The following MACROD2 variants were observed in gnomAD, a reference collection of about 807,000 sequenced individuals.
MACROD2 encodes ADP-ribose glycohydrolase MACROD2.
MACROD2 carries 36 observed loss-of-function variants against 70.4 expected under a neutral mutation model. The ratio of observed to expected loss-of-function variants is 0.51; its 90% CI spans 0.39 to 0.68. The LOEUF is 0.68. MACROD2 is among the 30% of genes least tolerant of loss of function. The pLI is 0.00. For missense variants in MACROD2, 496 were observed against 538.4 expected (o/e 0.92, Z 0.78); for synonymous variants, 172 against 178.8 (o/e 0.96, Z 0.30).
chr20:14,432,334 C>G (rs552477075), intron 3 of MACROD2, among the ~76,000 whole-genome samples: 1 of 151,968 alleles, frequency 6.6e-6, no homozygotes, highest in East Asian at 1.9e-4. Flanking sequence ...TATATTACTA[C>G]CTGGTCTGTT....
Position 15,701,035 on chromosome 20 carries a change from G to T in MACROD2, c.646-161710G>T, listed in dbSNP as rs111710562. Among the ~76,000 whole-genome samples the T allele has an allele frequency of 2.3e-3, 350 of 152,262 alleles. 3 individuals are homozygous for T. Among genetic ancestry groups the T allele is most frequent in the African/African-American group, 7.7e-3 (318 of 41,540 alleles). On this transcript the variant is annotated intron_variant, in intron 8 of 17. Transcript: ENST00000684519. ...ATGCTCATGTTGGTTCAGCTGATCT[G>T]GGAACCAAATTTTGAGAACTGCTGA...
intron 6 of MACROD2, among the ~76,000 whole-genome samples, chr20:15,345,463 C>T (rs1381575167): frequency 6.6e-6 from 1 of 152,172 alleles, no homozygotes; most frequent in Non-Finnish European, 1.5e-5. Context: ...ATTGGGCACA[C>T]TCCTGTTAGT....
At chr20:15,051,828 T>G (rs1652181582) in intron 5 of MACROD2, among the ~76,000 whole-genome samples, 1 of 151,026 alleles carries the variant, frequency 6.6e-6, no homozygotes, top group South Asian at 2.1e-4. Flanking sequence ...CTCAGCTCAC[T>G]GCAACTTCCA....
chr20:15,303,943 C>A (rs1245824665), intron 6 of MACROD2, among the ~76,000 whole-genome samples: 1 of 152,166 alleles, frequency 6.6e-6, no homozygotes, highest in South Asian at 2.1e-4. Context: ...TAGAATGAAT[C>A]AAGTATTCTA....
chr20:15,513,210 A>C (rs1383912141), intron 8 of MACROD2, among the ~76,000 whole-genome samples: 1 of 152,248 alleles, frequency 6.6e-6, no homozygotes. Flanking sequence ...AGAGGCAGGA[A>C]ATGGCCATTT....
chr20:15,209,107 TGG>T (rs2076737738), intron 5 of MACROD2, among the ~76,000 whole-genome samples: 1 of 142,860 alleles, frequency 7.0e-6, no homozygotes, highest in Non-Finnish European at 1.5e-5. Flanking sequence ...GTGGTGGTGG[TGG>T]TGGTGGTATT....
At chr20:14,293,340 T>A (rs2082401273) in intron 3 of MACROD2, among the ~76,000 whole-genome samples, 2 of 151,718 alleles carry the variant, frequency 1.3e-5, no homozygotes, top group Non-Finnish European at 2.9e-5. Flanking sequence ...TAAAGATAAG[T>A]GCTTTGAAGA....
chr20:15,319,957 C>G (rs978414353), intron 6 of MACROD2, among the ~76,000 whole-genome samples: 1 of 152,052 alleles, frequency 6.6e-6, no homozygotes, highest in Non-Finnish European at 1.5e-5. Flanking sequence ...GGCTGTAATC[C>G]CAGCACTTTG....
intron 8 of MACROD2, among the ~76,000 whole-genome samples, chr20:15,512,226 T>G (rs2047509299): frequency 6.6e-6 from 1 of 152,252 alleles, no homozygotes; most frequent in African/African-American, 2.4e-5. Flanking sequence ...TAAGTGAGTT[T>G]GATGAAGTTT....
chr20:15,592,063 G>A (rs1011502861), intron 8 of MACROD2, among the ~76,000 whole-genome samples: 45 of 152,270 alleles, frequency 3.0e-4, no homozygotes, highest in African/African-American at 7.7e-4. Context: ...GACCTCTCAC[G>A]TCTGACTTCT....
intron 5 of MACROD2, among the ~76,000 whole-genome samples, chr20:15,089,652 C>T (rs2075778413): frequency 6.6e-6 from 1 of 152,134 alleles, no homozygotes; most frequent in South Asian, 2.1e-4. Flanking sequence ...TTGGTGTCAA[C>T]TCCTTTACGC....
At chr20:15,628,713 G>A (rs529871534) in intron 8 of MACROD2, among the ~76,000 whole-genome samples, 1 of 152,210 alleles carries the variant, frequency 6.6e-6, no homozygotes, top group South Asian at 2.1e-4. Flanking sequence ...GAGCAAGATA[G>A]CTTCATTCCC....
At chr20:14,965,424 C>A (rs116440875) in intron 5 of MACROD2, among the ~76,000 whole-genome samples, 3 of 148,386 alleles carry the variant, frequency 2.0e-5, no homozygotes, top group African/African-American at 7.5e-5. Context: ...TGTTTCCAAC[C>A]TAGGGACGGC....
intron 8 of MACROD2, among the ~76,000 whole-genome samples, chr20:15,754,591 A>T (rs1167433775): frequency 1.3e-5 from 2 of 151,498 alleles, no homozygotes. Context: ...GAGCCACTGC[A>T]CTCAAGCCTG....
chr20:14,226,913 G>A (rs2081742309), intron 3 of MACROD2, among the ~76,000 whole-genome samples: 1 of 152,244 alleles, frequency 6.6e-6, no homozygotes, highest in South Asian at 2.1e-4. Context: ...GGGACTGGCA[G>A]GCATCTCCAC....
At chr20:15,725,067 G>A (rs1407869656) in intron 8 of MACROD2, among the ~76,000 whole-genome samples, 1 of 152,154 alleles carries the variant, frequency 6.6e-6, no homozygotes, top group Non-Finnish European at 1.5e-5. Flanking sequence ...GGGCGACAGA[G>A]TGAGACTCCA....
At chr20:14,328,780 A>T (rs181237178) in intron 3 of MACROD2, 1 of 152,068 alleles carries the variant, frequency 6.6e-6, no homozygotes, top group Non-Finnish European at 1.5e-5. Context: ...GCAGTTCAGC[A>T]TGGTGGGCAA....
intron 8 of MACROD2, among the ~76,000 whole-genome samples, chr20:15,849,400 C>T (rs1188879653): frequency 2.6e-5 from 4 of 152,160 alleles, no homozygotes; most frequent in Non-Finnish European, 4.4e-5. Flanking sequence ...TCTGCATGCA[C>T]GTCAGATGCT....
chr20:15,380,409 A>G (rs1309195189), intron 6 of MACROD2, among the ~76,000 whole-genome samples: 1 of 138,444 alleles, frequency 7.2e-6, no homozygotes, highest in East Asian at 2.0e-4. Flanking sequence ...GAAGATTAGG[A>G]AATAACTTAG....
Sources: gnomAD v4.1 joint callset for allele counts (sites outside exome capture counted in the v4.1 genomes callset) on GRCh38, gnomAD v4.1.1 for gene constraint, MANE v1.5 for transcripts, NCBI Gene and HGNC (gene_info 2026-07-23, HGNC 2026-07-21) for gene names.